Variants in SLC25A42 observed in about 807,000 individuals in gnomAD.
SLC25A42 encodes the protein mitochondrial coenzyme A transporter SLC25A42.
In SLC25A42, 19 loss-of-function variants were observed where a neutral mutation model predicts 34.7. The ratio of observed to expected loss-of-function variants is 0.55; its 90% CI spans 0.38 to 0.80. The LOEUF is 0.80. Among genes scored for constraint, SLC25A42 ranks in the 30% least tolerant of loss-of-function variants. The pLI, the probability that SLC25A42 is intolerant of heterozygous loss-of-function variation, is 0.00. For missense variants in SLC25A42, 364 were observed against 441.3 expected (o/e 0.82, Z 1.57); for synonymous variants, 205 against 191.2 (o/e 1.07, Z -0.59).
chr19:19,085,445 G>C (rs1461570466), intron 1 of SLC25A42, among the ~76,000 whole-genome samples: 1 of 151,212 alleles, frequency 6.6e-6, no homozygotes, highest in Non-Finnish European at 1.5e-5. Flanking sequence ...GCAGTGCCGC[G>C]ATCTCAGCCC....
chr19:19,106,088 A>C, intron 5 of SLC25A42, 181 bp from the exon 6 acceptor site: 1 of 592,378 alleles, frequency 1.7e-6, no homozygotes, highest in Non-Finnish European at 3.0e-6. Context: ...GTAAACCTCA[A>C]AATGAGGCCC....
chr19:19,096,254 T>TGCCCCCCCCCCCCCCCCCC, intron 2 of SLC25A42, 49 bp downstream of exon 2: 2 of 1,456,724 alleles, frequency 1.4e-6, no homozygotes, highest in East Asian at 2.4e-5. Context: ...GGCCCCAGCC[T>TGCCCCCCCCCCCCCCCCCC]CCCCACCCCC....
Position 19,096,319 on chromosome 19 carries a change from T to C in SLC25A42, c.81+114T>C. 3 of 727,728 alleles carry C rather than the reference T, an allele frequency of 4.1e-6. No homozygotes were observed. The Admixed American group carries it at 8.1e-5, about 20-fold the overall frequency. 45.1% of individuals were successfully genotyped at this position (727,728 alleles called of 1,614,324 possible). ...GCCTCTGCACCCCCTCCAAACAGGCTCAGGGATTCCTCTGCTGTGCTCCAT... is the reference window on the plus strand; with the variant it reads ...GCCTCTGCACCCCCTCCAAACAGGCCCAGGGATTCCTCTGCTGTGCTCCAT... On this transcript the variant is annotated intron_variant, in intron 2 of 7. Transcript: ENST00000318596.
At position 19,107,942 on chromosome 19, in the gene SLC25A42, G is replaced by T. The variant is rs1162542197; in HGVS notation, c.546G>T (p.Gly182=). 7 of 1,614,030 alleles carry T rather than the reference G, an allele frequency of 4.3e-6. No individual in the cohort carries two copies. The Admixed American group carries it at 1.0e-4, about 23-fold the overall frequency. The change falls in exon 7 of 8, where the codon GGG becomes GGT. Residue 182 remains glycine (G), a synonymous_variant. Coordinates refer to ENST00000318596, the MANE Select transcript of SLC25A42 (RefSeq NM_178526.5). ...TCATCCGCATCTCGAGAGAAGAGGG[G>T]CTGAAGACTCTCTACCATGGATTTA... ...HVFIRISREE[G]LKTLYHGFMP... is the part of the protein sequence containing the mutation.
At position 19,110,825 on chromosome 19, in the gene SLC25A42, C is replaced by T. The variant is rs753722901; in HGVS notation, c.906C>T (p.Ser302=). Reference sequence around the variant, plus strand: ...AGGGTCCCATCGCCGTGGGCATCAGCTTCACCACCTTCGACCTCATGCAGA... The same window carrying T: ...AGGGTCCCATCGCCGTGGGCATCAGTTTCACCACCTTCGACCTCATGCAGA... The part of the protein sequence containing the change: ...WVKGPIAVGI[S]FTTFDLMQIL... The change falls in exon 8 of 8, where the codon AGC becomes AGT. Residue 302 remains serine, a synonymous_variant. Coordinates refer to ENST00000318596, the MANE Select transcript of SLC25A42 (RefSeq NM_178526.5). 8 of 1,613,878 alleles carry T rather than the reference C, an allele frequency of 5.0e-6. No homozygotes were observed. In the African/African-American group the frequency reaches 9.3e-5, roughly 19 times the overall value.
At chr19:19,090,736 GTTC>G (rs2059734156) in intron 1 of SLC25A42, among the ~76,000 whole-genome samples, 1 of 152,158 alleles carries the variant, frequency 6.6e-6, no homozygotes, top group Non-Finnish European at 1.5e-5. Context: ...GTTTGTTCAG[GTTC>G]TTCTTGGCAT....
intron 1 of SLC25A42, among the ~76,000 whole-genome samples, chr19:19,074,547 A>G (rs758955789): frequency 6.6e-6 from 1 of 152,094 alleles, no homozygotes; most frequent in Non-Finnish European, 1.5e-5. Flanking sequence ...CTGAGTCCCA[A>G]GGGGTGGAGC....
chr19:19,105,997 G>A (rs923891260), intron 5 of SLC25A42: 1 of 555,092 alleles, frequency 1.8e-6, no homozygotes, highest in Non-Finnish European at 3.2e-6. Context: ...TCCCAGAGGG[G>A]CAGGTTACTA....
chr19:19,069,421 C>A (rs1293591670), intron 1 of SLC25A42, among the ~76,000 whole-genome samples: 1 of 152,172 alleles, frequency 6.6e-6, no homozygotes, highest in East Asian at 1.9e-4. Flanking sequence ...TAATAAATTA[C>A]CACAAACTGG....
chr19:19,089,084 C>A (rs762284998), intron 1 of SLC25A42, among the ~76,000 whole-genome samples: 2 of 151,888 alleles, frequency 1.3e-5, no homozygotes, highest in African/African-American at 4.8e-5. Context: ...GGATTACAGG[C>A]GTGAGCCACT....
intron 1 of SLC25A42, among the ~76,000 whole-genome samples, chr19:19,086,499 C>T (rs1241965891): frequency 6.6e-6 from 1 of 152,158 alleles, no homozygotes; most frequent in Non-Finnish European, 1.5e-5. Context: ...TATTTCTCAT[C>T]CTGTTTTCAC....
chr19:19,107,365 G>C (rs2059837352), intron 6 of SLC25A42, among the ~76,000 whole-genome samples: 1 of 151,950 alleles, frequency 6.6e-6, no homozygotes, highest in South Asian at 2.1e-4. Context: ...GAGCATGGTG[G>C]CTCACGCCTG....
chr19:19,086,975 G>C (rs1053775074), intron 1 of SLC25A42, among the ~76,000 whole-genome samples: 1 of 152,056 alleles, frequency 6.6e-6, no homozygotes, highest in Non-Finnish European at 1.5e-5. Flanking sequence ...TGTGTGTGGG[G>C]GGGTGCGCTG....
intron 1 of SLC25A42, among the ~76,000 whole-genome samples, chr19:19,075,953 C>G (rs1243568342): frequency 6.6e-6 from 1 of 152,150 alleles, no homozygotes; most frequent in Non-Finnish European, 1.5e-5. Flanking sequence ...GCACCCTGAA[C>G]CTAGGGGAGT....
intron 2 of SLC25A42, among the ~76,000 whole-genome samples, chr19:19,097,051 A>T (rs569232199): frequency 6.6e-6 from 1 of 152,284 alleles, no homozygotes; most frequent in Admixed American, 6.5e-5. Flanking sequence ...AAGAAAAGAT[A>T]TTCTCTCAAA....
intron 1 of SLC25A42, among the ~76,000 whole-genome samples, chr19:19,091,008 A>T (rs2145912230): frequency 6.6e-6 from 1 of 152,330 alleles, no homozygotes; most frequent in Admixed American, 6.5e-5. Context: ...TCCTGAACAC[A>T]GGGAGCATCT....
intron 1 of SLC25A42, among the ~76,000 whole-genome samples, chr19:19,092,677 G>A (rs928903980): frequency 1.3e-5 from 2 of 152,232 alleles, no homozygotes; most frequent in African/African-American, 2.4e-5. Context: ...CAGGCCTCGG[G>A]CACCTCACCC....
intron 1 of SLC25A42, among the ~76,000 whole-genome samples, chr19:19,069,111 T>G (rs1481892263): frequency 6.6e-6 from 1 of 152,042 alleles, no homozygotes; most frequent in African/African-American, 2.4e-5. Flanking sequence ...ACTCAGGAAG[T>G]AGAACGATGT....
At chr19:19,069,429 TG>T (rs1462491776) in intron 1 of SLC25A42, among the ~76,000 whole-genome samples, 7 of 152,066 alleles carry the variant, frequency 4.6e-5, no homozygotes, top group Admixed American at 4.6e-4. Context: ...TACCACAAAC[TG>T]GGGGGCTTCA....
Sources: allele counts gnomAD v4.1 joint callset (sites outside exome capture counted in the v4.1 genomes callset), GRCh38; gene constraint gnomAD v4.1.1; transcripts MANE v1.5; gene names NCBI Gene and HGNC (gene_info 2026-07-23, HGNC 2026-07-21).